SLC14A2: variants seen among roughly 807,000 people sequenced by gnomAD.
SLC14A2 encodes the protein urea transporter 2.
In SLC14A2, 91 loss-of-function variants were observed where a neutral mutation model predicts 104.6. That is an observed-to-expected ratio of 0.87 (90% confidence interval 0.73 to 1.04). The LOEUF (loss-of-function observed/expected upper bound fraction) is 1.04. Ranked by LOEUF, SLC14A2 falls within the 50% of genes least tolerant of loss-of-function variation. The probability of loss-of-function intolerance (pLI) is 0.00; values close to 1 mark genes in which losing one functional copy is unlikely to be tolerated. For synonymous variants in SLC14A2, 476 were observed against 466.4 expected (o/e 1.02, Z -0.27); for missense variants, 1,189 against 1,156.0 (o/e 1.03, Z -0.41).
chr18:45,639,938 CA>C, intron 7 of SLC14A2, 45 bp downstream of exon 7: 1 of 1,568,314 alleles, frequency 6.4e-7, no homozygotes, highest in Non-Finnish European at 8.7e-7. Flanking sequence ...ATAATTCACT[CA>C]AGGTCACTTT....
At chr18:45,495,766 A>C (rs1019461601) in intron 2 of SLC14A2, among the ~76,000 whole-genome samples, 2 of 152,182 alleles carry the variant, frequency 1.3e-5, no homozygotes, top group African/African-American at 4.8e-5. Flanking sequence ...AAGAGAAGCC[A>C]GTTAAATTTG....
intron 1 of SLC14A2, among the ~76,000 whole-genome samples, chr18:45,616,629 G>A (rs986988007): frequency 6.6e-6 from 1 of 152,202 alleles, no homozygotes; most frequent in Non-Finnish European, 1.5e-5. Context: ...GCGTTGGGGA[G>A]GGCCTGGCTT....
chr18:45,607,928 C>A (rs1296855646), intron 2 of SLC14A2, among the ~76,000 whole-genome samples: 1 of 152,206 alleles, frequency 6.6e-6, no homozygotes, highest in Non-Finnish European at 1.5e-5. Context: ...CAGTAGTTTC[C>A]CCCAGAGCAA....
chr18:45,528,472 C>G (rs2043631612), intron 2 of SLC14A2: 1 of 152,092 alleles, frequency 6.6e-6, no homozygotes, highest in African/African-American at 2.4e-5. Context: ...GGCACTCACC[C>G]CACAGGGTCA....
At chr18:45,371,476 A>G (rs1169036087) in intron 1 of SLC14A2, among the ~76,000 whole-genome samples, 1 of 152,222 alleles carries the variant, frequency 6.6e-6, no homozygotes, top group Non-Finnish European at 1.5e-5. Flanking sequence ...TAATCCTTAT[A>G]CAATCTATTG....
chr18:45,651,335 A>G (rs532768069), intron 10 of SLC14A2, among the ~76,000 whole-genome samples: 1 of 152,260 alleles, frequency 6.6e-6, no homozygotes, highest in African/African-American at 2.4e-5. Flanking sequence ...CTGGAGCACC[A>G]TCATCTCACA....
chr18:45,597,020 C>G (rs898288193), intron 2 of SLC14A2, among the ~76,000 whole-genome samples: 1 of 152,202 alleles, frequency 6.6e-6, no homozygotes, highest in Non-Finnish European at 1.5e-5. Context: ...AAACCTCAGA[C>G]AAGTCTCCAA....
At chr18:45,578,469 G>A (rs1012749398) in intron 2 of SLC14A2, among the ~76,000 whole-genome samples, 2 of 152,216 alleles carry the variant, frequency 1.3e-5, no homozygotes, top group African/African-American at 4.8e-5. Context: ...TGGTATAAAT[G>A]TAGTGTTGTC....
At chr18:45,461,638 A>G (rs1046945967) in intron 1 of SLC14A2, among the ~76,000 whole-genome samples, 2 of 152,210 alleles carry the variant, frequency 1.3e-5, no homozygotes, top group African/African-American at 4.8e-5. Flanking sequence ...AATCAGCCTC[A>G]TATTTAGACA....
At chr18:45,307,523 G>A (rs201058162) in intron 1 of SLC14A2, among the ~76,000 whole-genome samples, 1 of 151,930 alleles carries the variant, frequency 6.6e-6, no homozygotes, top group Non-Finnish European at 1.5e-5. Context: ...ATGGCCTGCT[G>A]TGGAGTGGAG....
chr18:45,432,780 G>A (rs550864401), intron 1 of SLC14A2, among the ~76,000 whole-genome samples: 1 of 152,142 alleles, frequency 6.6e-6, no homozygotes, highest in African/African-American at 2.4e-5. Context: ...CCTAAGATAG[G>A]ATTTGATGGC....
intron 1 of SLC14A2, among the ~76,000 whole-genome samples, chr18:45,311,292 C>T (rs777961632): frequency 1.6e-4 from 24 of 152,192 alleles, no homozygotes; most frequent in Non-Finnish European, 3.4e-4. Flanking sequence ...TATCAGCATA[C>T]TTAGCCCCTG....
At position 45,605,916 on chromosome 18, in the gene SLC14A2, T is replaced by C. The variant is rs1343999430; in HGVS notation, c.-34-18715T>C. 3.3e-5 allele frequency among the ~76,000 whole-genome samples: 5 copies of C among 152,208 alleles called. No homozygotes were observed. The East Asian group carries it at 9.6e-4, about 29-fold the overall frequency. ...TGCCTTTTCCAGGTACATTTATCTT[T>C]GCAGGATCCATGAGACCACTACATG... On this transcript the variant is annotated intron_variant, in intron 2 of 20. Coordinates refer to the SLC14A2 transcript ENST00000586448.
At chr18:45,298,377 A>T (rs2084936730) in intron 1 of SLC14A2, among the ~76,000 whole-genome samples, 1 of 152,166 alleles carries the variant, frequency 6.6e-6, no homozygotes, top group South Asian at 2.1e-4. Context: ...TTTGATGCGG[A>T]TATAACCATG....
intron 10 of SLC14A2, among the ~76,000 whole-genome samples, chr18:45,650,081 G>C (rs2045704496): frequency 6.6e-6 from 1 of 152,046 alleles, no homozygotes; most frequent in Non-Finnish European, 1.5e-5. Flanking sequence ...GGGCCTCTTT[G>C]ATCTCTATTT....
At chr18:45,369,032 AC>A (rs1251922680) in intron 1 of SLC14A2, among the ~76,000 whole-genome samples, 1 of 152,184 alleles carries the variant, frequency 6.6e-6, no homozygotes, top group East Asian at 1.9e-4. Flanking sequence ...AGTGTTTTCA[AC>A]CAGTCCACCT....
intron 1 of SLC14A2, among the ~76,000 whole-genome samples, chr18:45,367,623 C>A (rs1232448612): frequency 6.6e-6 from 1 of 152,146 alleles, no homozygotes; most frequent in African/African-American, 2.4e-5. Context: ...CTGGCTCATA[C>A]CAAGCCAGTT....
chr18:45,434,414 G>A (rs542646417), intron 1 of SLC14A2, among the ~76,000 whole-genome samples: 1 of 152,300 alleles, frequency 6.6e-6, no homozygotes, highest in South Asian at 2.1e-4. Flanking sequence ...TTTATATTTT[G>A]TGCACTAAAA....
intron 2 of SLC14A2, among the ~76,000 whole-genome samples, chr18:45,604,609 C>T (rs1057498527): frequency 1.3e-5 from 2 of 152,140 alleles, no homozygotes; most frequent in African/African-American, 4.8e-5. Flanking sequence ...CAAGCATGTG[C>T]CTACTTCAGT....
Sources: allele counts gnomAD v4.1 joint callset (sites outside exome capture counted in the v4.1 genomes callset), GRCh38; gene constraint gnomAD v4.1.1; transcripts MANE v1.5; gene names NCBI Gene and HGNC (gene_info 2026-07-23, HGNC 2026-07-21).